The following FHAD1 variants were observed in gnomAD, a reference collection of about 807,000 sequenced individuals.
FHAD1 encodes the protein forkhead associated phosphopeptide binding domain 1.
In FHAD1, 146 loss-of-function variants were observed where a neutral mutation model predicts 191.3. That is an observed-to-expected ratio of 0.76 (90% CI 0.67 to 0.88). FHAD1 has a LOEUF of 0.88. Among genes scored for constraint, FHAD1 ranks in the 40% least tolerant of loss-of-function variants. The pLI is 0.00. For missense variants in FHAD1, 1,635 were observed against 1,785.8 expected, an observed-to-expected ratio of 0.92 and a Z score of 1.52; for synonymous variants, 616 against 672.3, an observed-to-expected ratio of 0.92 and a Z score of 1.29.
chr1:15,263,510 CTTTTTTTT>C lies in FHAD1; in HGVS notation c.94-8795_94-8788del, dbSNP rs771788861. Among the ~76,000 whole-genome samples the C allele has an allele frequency of 2.0e-4, 15 of 75,058 alleles. No individual in the cohort carries two copies. In the South Asian group the frequency reaches 5.8e-3, roughly 29 times the overall value. 49.2% of individuals were successfully genotyped at this position (75,058 alleles called of 152,430 possible). ...TGTAAGTTAAGGGTCCAGTTTTATT[CTTTTTTTT>C]TTTTTTTTTTTTTTTTTGTCTGAGA... On this transcript the variant is annotated intron_variant, in intron 2 of 33. Coordinates refer to ENST00000688493, the MANE Select transcript of FHAD1 (RefSeq NM_001391957.1).
intron 6 of FHAD1, among the ~76,000 whole-genome samples, chr1:15,303,050 C>T (rs1669319645): frequency 6.6e-6 from 1 of 152,186 alleles, no homozygotes; most frequent in African/African-American, 2.4e-5. Context: ...TCCACTCATT[C>T]GTTCATTCAA....
At chr1:15,354,506 G>A (rs548779483) in intron 20 of FHAD1, among the ~76,000 whole-genome samples, 2 of 152,322 alleles carry the variant, frequency 1.3e-5, no homozygotes, top group African/African-American at 4.8e-5. Context: ...GGCACATGCT[G>A]CAGGCTGTGG....
intron 33 of FHAD1, among the ~76,000 whole-genome samples, chr1:15,394,013 G>A (rs1471487910): frequency 6.6e-6 from 1 of 152,094 alleles, no homozygotes; most frequent in Non-Finnish European, 1.5e-5. Context: ...GACACCCCAG[G>A]ATGGCCTGAG....
At chr1:15,392,429 G>A (rs1172334388) in intron 33 of FHAD1, among the ~76,000 whole-genome samples, 2 of 152,290 alleles carry the variant, frequency 1.3e-5, no homozygotes, top group Admixed American at 6.5e-5. Flanking sequence ...CTACTCGGGA[G>A]GCTGAGACAG....
chr1:15,372,471 T>C (rs1698387402), intron 26 of FHAD1, among the ~76,000 whole-genome samples: 1 of 152,210 alleles, frequency 6.6e-6, no homozygotes, highest in South Asian at 2.1e-4. Flanking sequence ...TCAGAGTATT[T>C]GTGCGCCTGT....
At chr1:15,314,163 A>G (rs1482155838) in intron 8 of FHAD1, among the ~76,000 whole-genome samples, 1 of 152,052 alleles carries the variant, frequency 6.6e-6, no homozygotes, top group Admixed American at 6.5e-5. Context: ...AGGATTTCTC[A>G]GTATTTGTGA....
chr1:15,289,580 C>T lies in FHAD1; in HGVS notation c.482C>T (p.Ala161Val). The T allele has an allele frequency of 6.4e-7, 1 of 1,551,810 alleles. No individual in the cohort carries two copies. Among genetic ancestry groups the T allele is most frequent in the Non-Finnish European group, 8.7e-7 (1 of 1,147,030 alleles). Reference protein sequence around the residue: ...AFPRPTVVLPASHRRPVSANK... With the variant: ...AFPRPTVVLPVSHRRPVSANK... ...CCCAGACCCACCGTGGTCCTGCCGG[C>T]CTCCCACAGGCGGCCTGTGAGCGCC... The change falls in exon 4 of 34, where the codon GCC becomes GTC. Residue 161 changes from alanine to valine, a missense_variant. By Grantham distance (64) the Ala-to-Val change is moderately conservative (BLOSUM62 0). Coordinates refer to ENST00000688493, the MANE Select transcript of FHAD1 (RefSeq NM_001391957.1). This position sits in a 1 kb window ranked among gnomAD's most constrained non-coding sequence, Gnocchi z 4.2.
chr1:15,271,790 G>GGGAT (rs1419006928), intron 2 of FHAD1, among the ~76,000 whole-genome samples: 2 of 152,110 alleles, frequency 1.3e-5, no homozygotes, highest in East Asian at 3.8e-4. Flanking sequence ...TGGTGAGGGT[G>GGGAT]GGATTATAAG....
intron 3 of FHAD1, among the ~76,000 whole-genome samples, chr1:15,275,152 T>TG (rs1657799801): frequency 6.6e-6 from 1 of 151,942 alleles, no homozygotes; most frequent in Non-Finnish European, 1.5e-5. Context: ...TTAGTAGAGA[T>TG]GGGGTTTCAC....
intron 4 of FHAD1, among the ~76,000 whole-genome samples, chr1:15,290,780 C>T (rs1196227700): frequency 4.6e-5 from 7 of 151,834 alleles, no homozygotes; most frequent in Admixed American, 1.3e-4. Context: ...GCCATCTCAG[C>T]GCACTGCAAG....
At chr1:15,286,585 C>A (rs557686425) in intron 3 of FHAD1, among the ~76,000 whole-genome samples, 5 of 152,244 alleles carry the variant, frequency 3.3e-5, no homozygotes, top group Non-Finnish European at 7.3e-5. Context: ...TCTCAAGTCC[C>A]CAGTTCTCTG....
intron 4 of FHAD1, among the ~76,000 whole-genome samples, chr1:15,292,426 C>T (rs1665145391): frequency 6.6e-6 from 1 of 152,206 alleles, no homozygotes; most frequent in Non-Finnish European, 1.5e-5. Context: ...CTCCACCTCC[C>T]AGGTTCACAC....
intron 10 of FHAD1, among the ~76,000 whole-genome samples, chr1:15,320,229 T>C (rs1376667229): frequency 1.3e-5 from 2 of 152,224 alleles, no homozygotes; most frequent in African/African-American, 4.8e-5. Context: ...TCTGTGTAAC[T>C]TCAATCTTTT....
chr1:15,356,674 C>T (rs541094271), intron 20 of FHAD1, among the ~76,000 whole-genome samples: 164 of 152,212 alleles, frequency 1.1e-3, no homozygotes, highest in African/African-American at 3.8e-3. Context: ...GAGTTCAAGA[C>T]CAGCCTGGCC....
intron 20 of FHAD1, among the ~76,000 whole-genome samples, chr1:15,357,562 G>A (rs1242757677): frequency 6.7e-6 from 1 of 148,986 alleles, no homozygotes; most frequent in Non-Finnish European, 1.5e-5. Flanking sequence ...GGCGGAGGTT[G>A]CAGTGAGCTG....
intron 4 of FHAD1, among the ~76,000 whole-genome samples, chr1:15,293,587 A>ATG (rs1558026506): frequency 1.3e-5 from 2 of 151,914 alleles, no homozygotes; most frequent in Admixed American, 6.6e-5. Flanking sequence ...GTGTGGTGGC[A>ATG]CGCACCTGTA....
At position 15,272,324 on chromosome 1, in the gene FHAD1, C is replaced by A; in HGVS notation, c.95C>A (p.Ser32Tyr). The A allele has an allele frequency of 6.5e-7, 1 of 1,549,172 alleles. No homozygotes were observed. The highest frequency in any genetic ancestry group is 1.2e-5 in the South Asian group (1 of 84,004). Residue 32 changes from serine to tyrosine, a missense_variant and splice_region_variant, in exon 3 of 34, where the codon TCT becomes TAT. By Grantham distance (144) the Ser-to-Tyr change is moderately radical. Transcript: ENST00000688493. ...RHENSDLVLQSPDIDNHHALI... is the reference protein window; with the variant it reads ...RHENSDLVLQYPDIDNHHALI... ...GACTGTCCTCCTTCTCCGTTGCAGT[C>A]TCCTGACATCGACAACCACCATGCA...
At chr1:15,282,495 CA>C (rs1660963884) in intron 3 of FHAD1, among the ~76,000 whole-genome samples, 1 of 152,116 alleles carries the variant, frequency 6.6e-6, no homozygotes, top group Admixed American at 6.5e-5. Flanking sequence ...TGAATGTTTC[CA>C]ACCGGAATAC....
intron 20 of FHAD1, among the ~76,000 whole-genome samples, chr1:15,353,588 C>G (rs1321672686): frequency 6.6e-6 from 1 of 151,466 alleles, no homozygotes; most frequent in Non-Finnish European, 1.5e-5. Context: ...GCCTGTAATC[C>G]CAGCTACTCA....
Sources: gnomAD v4.1 joint callset for allele counts (sites outside exome capture counted in the v4.1 genomes callset) on GRCh38, gnomAD v4.1.1 for gene constraint, Gnocchi (gnomAD v3.1) non-coding constraint, MANE v1.5 for transcripts, NCBI Gene and HGNC (gene_info 2026-07-23, HGNC 2026-07-21) for gene names.